Variants in SLC38A9 observed in about 807,000 individuals in gnomAD.
The protein encoded by SLC38A9 is solute carrier family 38 member 9, also known as neutral amino acid transporter 9.
SLC38A9 carries 48 observed loss-of-function variants against 62.3 expected under a neutral mutation model. That is an observed-to-expected ratio of 0.77 (90% CI 0.61 to 0.98). SLC38A9 has a LOEUF of 0.98. Ranked by LOEUF, SLC38A9 falls within the 50% of genes least tolerant of loss-of-function variation. The pLI, the probability that SLC38A9 is intolerant of heterozygous loss-of-function variation, is 0.00. For missense variants in SLC38A9, 541 were observed against 679.8 expected (o/e 0.80, Z 2.27); for synonymous variants, 204 against 227.7 (o/e 0.90, Z 0.94).
At chr5:55,705,072 A>T (rs1757121164) in intron 2 of SLC38A9, among the ~76,000 whole-genome samples, 1 of 152,218 alleles carries the variant, frequency 6.6e-6, no homozygotes, top group South Asian at 2.1e-4. Context: ...AACTTTTTTT[A>T]AAAGAAAAAG....
Position 55,649,251 on chromosome 5 carries a change from T to A in SLC38A9, c.1016A>T (p.His339Leu), listed in dbSNP as rs1347152424. The change falls in exon 11 of 16, where the codon CAT becomes CTT. Residue 339 changes from histidine (H) to leucine (L), a missense_variant. Coordinates refer to ENST00000396865, the MANE Select transcript of SLC38A9 (RefSeq NM_173514.4). ...VTFKAVRLGF[H>L]LEFHWFIPTE... ...TGGTATAAACCAATGAAATTCCAAA[T>A]GAAATCCCAAGCGAACAGCCTTAAA... The A allele has an allele frequency of 1.2e-6, 2 of 1,609,104 alleles. No individual in the cohort carries two copies. Among genetic ancestry groups the A allele is most frequent in the Admixed American group, 3.4e-5 (2 of 59,360 alleles).
chr5:55,685,704 T>G (rs1753699295), intron 3 of SLC38A9, among the ~76,000 whole-genome samples: 1 of 152,122 alleles, frequency 6.6e-6, no homozygotes, highest in African/African-American at 2.4e-5. Flanking sequence ...GATGGGGGTT[T>G]GTTGTACAGA....
At chr5:55,652,185 C>T (rs1255143073) in intron 10 of SLC38A9, among the ~76,000 whole-genome samples, 1 of 151,136 alleles carries the variant, frequency 6.6e-6, no homozygotes, top group African/African-American at 2.4e-5. Context: ...ATGGTGAAAT[C>T]CCACCTCTAC....
intron 9 of SLC38A9, among the ~76,000 whole-genome samples, chr5:55,654,881 A>C (rs897833594): frequency 3.3e-5 from 5 of 152,236 alleles, no homozygotes; most frequent in African/African-American, 1.2e-4. Context: ...TCACTCACTC[A>C]GGCTGGAGGG....
chr5:55,684,112 T>G (rs554464370), intron 3 of SLC38A9, among the ~76,000 whole-genome samples: 3 of 152,244 alleles, frequency 2.0e-5, no homozygotes, highest in Non-Finnish European at 4.4e-5. Flanking sequence ...TTTATTTTTT[T>G]CATATTTATC....
intron 3 of SLC38A9, 122 bp downstream of exon 3, chr5:55,697,712 CCACATGTATACA>C (rs1202249764): frequency 4.6e-6 from 2 of 435,180 alleles, no homozygotes; most frequent in Non-Finnish European, 4.0e-6. Context: ...TTACTTCTCT[CCACATGTATACA>C]CACAAATCCT....
intron 13 of SLC38A9, 23 bp downstream of exon 13, chr5:55,635,521 A>C: frequency 2.0e-6 from 3 of 1,484,924 alleles, no homozygotes; most frequent in South Asian, 1.1e-5. Context: ...ACAATCACAC[A>C]GAGAGGGTAC....
intron 13 of SLC38A9, chr5:55,635,286 T>G: frequency 2.0e-6 from 1 of 507,872 alleles, no homozygotes; most frequent in Non-Finnish European, 3.6e-6. Flanking sequence ...TACCACAAGG[T>G]GCCTGGCATG....
At chr5:55,627,301 G>A (rs1742609652) in intron 15 of SLC38A9, among the ~76,000 whole-genome samples, 1 of 151,982 alleles carries the variant, frequency 6.6e-6, no homozygotes, top group African/African-American at 2.4e-5. Context: ...ACTCCTTCCT[G>A]CTGTCCATAG....
chr5:55,663,117 ACTC>A (rs1335434599), intron 8 of SLC38A9, among the ~76,000 whole-genome samples: 1 of 150,598 alleles, frequency 6.6e-6, no homozygotes. Flanking sequence ...CTGGTCTTGA[ACTC>A]CTGAGTTCAG....
rs1411645264 is a variant in SLC38A9, at chr5:55,695,317, G to T, written c.113+2529C>A. 3.6e-5 allele frequency among the ~76,000 whole-genome samples: 5 copies of T among 139,850 alleles called. No individual in the cohort carries two copies. In the East Asian group the frequency reaches 1.0e-3, roughly 28 times the overall value. The allele number at this position is 139,850 out of a possible 152,430, so 91.7% of individuals were successfully genotyped here. ...TCATTCTTGGGTGTTTCTCACAGAGGGGGATTTGGCAGGGTCATAGGACAA... is the reference window on the plus strand; with the variant it reads ...TCATTCTTGGGTGTTTCTCACAGAGTGGGATTTGGCAGGGTCATAGGACAA... On this transcript the variant is annotated intron_variant, in intron 3 of 15. Transcript: ENST00000396865.
intron 2 of SLC38A9, among the ~76,000 whole-genome samples, chr5:55,701,024 C>T (rs1756575267): frequency 6.6e-6 from 1 of 152,058 alleles, no homozygotes; most frequent in African/African-American, 2.4e-5. Flanking sequence ...ATACAGTGGC[C>T]ACTAGTTAGG....
intron 8 of SLC38A9, among the ~76,000 whole-genome samples, chr5:55,663,282 A>G (rs1749914423): frequency 7.9e-6 from 1 of 127,074 alleles, no homozygotes; most frequent in Non-Finnish European, 1.6e-5. Context: ...CAACATACTG[A>G]TACTCTGTCT....
At chr5:55,688,540 C>T (rs929287229) in intron 3 of SLC38A9, among the ~76,000 whole-genome samples, 9 of 151,894 alleles carry the variant, frequency 5.9e-5, no homozygotes, top group Non-Finnish European at 1.0e-4. Flanking sequence ...CCACCATGCC[C>T]GGCTCATTTT....
At chr5:55,662,658 G>C (rs1230219977) in intron 8 of SLC38A9, among the ~76,000 whole-genome samples, 1 of 138,886 alleles carries the variant, frequency 7.2e-6, no homozygotes, top group Non-Finnish European at 1.5e-5. Context: ...GACAGAGCAA[G>C]ACTCCGTCTC....
chr5:55,671,949 G>C (rs916036282), intron 4 of SLC38A9, among the ~76,000 whole-genome samples: 6 of 152,178 alleles, frequency 3.9e-5, no homozygotes, highest in African/African-American at 1.4e-4. Flanking sequence ...CTGGGCTCAA[G>C]GGATCCTCCT....
intron 3 of SLC38A9, among the ~76,000 whole-genome samples, chr5:55,687,167 C>T (rs190368269): frequency 4.0e-5 from 6 of 149,530 alleles, no homozygotes; most frequent in Admixed American, 2.0e-4. Context: ...AGGCCGGGCG[C>T]GGTGGCTCAC....
chr5:55,688,285 C>T (rs948873832), intron 3 of SLC38A9, among the ~76,000 whole-genome samples: 4 of 151,946 alleles, frequency 2.6e-5, no homozygotes, highest in Non-Finnish European at 5.9e-5. Context: ...CCAGAACTTC[C>T]AATACTATGT....
intron 9 of SLC38A9, among the ~76,000 whole-genome samples, chr5:55,654,808 G>A (rs899261562): frequency 4.6e-5 from 7 of 152,048 alleles, no homozygotes; most frequent in Non-Finnish European, 1.0e-4. Context: ...CCTGCACACA[G>A]GCATTCAATA....
Sources: allele counts gnomAD v4.1 joint callset (sites outside exome capture counted in the v4.1 genomes callset), GRCh38; gene constraint gnomAD v4.1.1; transcripts MANE v1.5; gene names NCBI Gene and HGNC (gene_info 2026-07-23, HGNC 2026-07-21).